Variants in USP26 observed in about 807,000 individuals in gnomAD.
The protein encoded by USP26 is ubiquitin specific peptidase 26.
For synonymous variants in USP26, 236 were observed against 240.6 expected, an observed-to-expected ratio of 0.98 and a Z score of 0.18; for missense variants, 649 against 642.3, an observed-to-expected ratio of 1.01 and a Z score of -0.11.
At chrX:133,069,574 A>T (rs757237759) in intron 5 of USP26, among the ~76,000 whole-genome samples, 6 of 111,406 alleles carry the variant, frequency 5.4e-5, no homozygotes, top group African/African-American at 2.0e-4. Context: ...AGAAATATAA[A>T]TATTACAGAG....
In USP26 at chrX:133,026,334, A is replaced by G. The variant is rs762701384; in HGVS notation, c.1887T>C (p.Leu629=). The G allele has an allele frequency of 4.1e-6, 5 of 1,205,692 alleles. No individual in the cohort carries two copies. In the Middle Eastern group the frequency reaches 6.9e-4, roughly 166 times the overall value. Residue 629 remains leucine, a synonymous_variant, in exon 6 of 6, where the codon CTT becomes CTC. Coordinates refer to ENST00000511190, the MANE Select transcript of USP26 (RefSeq NM_031907.3). ...GCTCATTTGGTTTAGAATTTTTTCCAAGGTACTTTTGCTGCTGTCTTCTGC... is the reference window on the plus strand; with the variant it reads ...GCTCATTTGGTTTAGAATTTTTTCCGAGGTACTTTTGCTGCTGTCTTCTGC... The part of the protein sequence containing the change: ...GASRRQQQKY[L]GKNSKPNELE...
At chrX:133,043,906 CA>C (rs1191136380) in intron 5 of USP26, among the ~76,000 whole-genome samples, 5 of 110,955 alleles carry the variant, frequency 4.5e-5, no homozygotes, top group Non-Finnish European at 7.6e-5. Context: ...CAAAACAAAA[CA>C]AAAAACTTCC....
At chrX:133,061,099 T>C (rs2067492820) in intron 5 of USP26, among the ~76,000 whole-genome samples, 1 of 111,641 alleles carries the variant, frequency 9.0e-6, no homozygotes, top group African/African-American at 3.3e-5. Context: ...CAAAGAACAA[T>C]TGTATTTATG....
At chrX:133,062,523 C>T (rs1049316709) in intron 5 of USP26, among the ~76,000 whole-genome samples, 11 of 111,934 alleles carry the variant, frequency 9.8e-5, no homozygotes, top group Non-Finnish European at 1.7e-4. Flanking sequence ...TGGCTGGCAA[C>T]AGGCCGGCAC....
intron 5 of USP26, among the ~76,000 whole-genome samples, chrX:133,039,051 T>C (rs1356946662): frequency 8.9e-6 from 1 of 111,946 alleles, no homozygotes; most frequent in Non-Finnish European, 1.9e-5. Flanking sequence ...TTATTCTCTC[T>C]TTTCTTCTTT....
In USP26 at chrX:133,078,756, C is replaced by T. The variant is rs1467282584; in HGVS notation, c.-77+4951G>A. 2.7e-5 allele frequency among the ~76,000 whole-genome samples: 3 copies of T among 112,124 alleles called. No individual in the cohort carries two copies. The Admixed American group carries it at 2.9e-4, about 11-fold the overall frequency. ...GCTCACTGTCTGCATGGACAAGATT[C>T]TACTCTTTGGTTGTCTTCAGTAATA... is the stretch of plus-strand genomic sequence containing the variant. On this transcript the variant is annotated intron_variant, in intron 5 of 5. Coordinates refer to ENST00000511190, the MANE Select transcript of USP26 (RefSeq NM_031907.3).
chrX:133,086,471 A>G (rs2067589125), intron 4 of USP26, among the ~76,000 whole-genome samples: 2 of 110,858 alleles, frequency 1.8e-5, no homozygotes, highest in African/African-American at 3.3e-5. Flanking sequence ...TTAGCCAGGC[A>G]TGGTGGCACA....
intron 4 of USP26, among the ~76,000 whole-genome samples, chrX:133,084,775 G>A (rs371096551): frequency 1.2e-4 from 13 of 111,040 alleles, no homozygotes; most frequent in South Asian, 7.7e-4. Context: ...ATTGGGGAAC[G>A]GGTGGTGTTT....
At chrX:133,045,480 T>A (rs766515441) in intron 5 of USP26, among the ~76,000 whole-genome samples, 8 of 112,068 alleles carry the variant, frequency 7.1e-5, no homozygotes, top group Non-Finnish European at 1.1e-4. Context: ...CTTTGTTCTT[T>A]CACTCTTTGC....
chrX:133,052,872 G>A lies in USP26; in HGVS notation c.-76-24576C>T, dbSNP rs191188553. 3.6e-5 allele frequency among the ~76,000 whole-genome samples: 4 copies of A among 111,602 alleles called. No individual in the cohort carries two copies. The South Asian group carries it at 1.2e-3, about 33-fold the overall frequency. ...TCTCCTTATAATGTAGATGGGGAGG[G>A]GGGTGAGAGGACTGGTAGCTGTCTC... On this transcript the variant is annotated intron_variant, in intron 5 of 5. Transcript: ENST00000511190.
In USP26 at chrX:133,027,682, CTCT is replaced by C. The variant is rs772195637; in HGVS notation, c.536_538del (p.Lys179del). On this transcript the variant is annotated inframe_deletion, in exon 6 of 6. Coordinates refer to ENST00000511190, the MANE Select transcript of USP26 (RefSeq NM_031907.3). ...TGAGCTAGATGAGAGCATTCTTTTC[CTCT>C]TCTTGTGCTGATTTTCTGATAACTC... The C allele has an allele frequency of 8.3e-7, 1 of 1,206,942 alleles. No individual in the cohort carries two copies. The highest frequency in any genetic ancestry group is 2.2e-5 in the Admixed American group (1 of 45,555).
chrX:133,032,396 T>C (rs1389657308), intron 5 of USP26, among the ~76,000 whole-genome samples: 13 of 110,902 alleles, frequency 1.2e-4, no homozygotes, highest in Non-Finnish European at 1.9e-4. Context: ...GGTCCTCAGG[T>C]GGGAATGGAC....
chrX:133,059,857 C>T (rs964251819), intron 5 of USP26, among the ~76,000 whole-genome samples: 5 of 111,835 alleles, frequency 4.5e-5, no homozygotes, highest in African/African-American at 1.6e-4. Context: ...CAGATTGTTA[C>T]AAAGGAATGA....
At chrX:133,059,923 C>T (rs2067489446) in intron 5 of USP26, among the ~76,000 whole-genome samples, 1 of 111,937 alleles carries the variant, frequency 8.9e-6, no homozygotes, top group Admixed American at 9.5e-5. Context: ...TATAAGAGTG[C>T]TAATAATTGC....
At chrX:133,051,539 A>G (rs1277258310) in intron 5 of USP26, among the ~76,000 whole-genome samples, 1 of 112,233 alleles carries the variant, frequency 8.9e-6, no homozygotes, top group Non-Finnish European at 1.9e-5. Flanking sequence ...ATGGAATACC[A>G]TGAGGTTTAA....
chrX:133,063,135 G>A (rs1350429320), intron 5 of USP26, among the ~76,000 whole-genome samples: 1 of 110,961 alleles, frequency 9.0e-6, no homozygotes, highest in African/African-American at 3.3e-5. Context: ...ATCAGAGATT[G>A]ATGATCGACT....
At chrX:133,079,177 G>A (rs1244032993) in intron 5 of USP26, among the ~76,000 whole-genome samples, 1 of 111,716 alleles carries the variant, frequency 9.0e-6, no homozygotes, top group Non-Finnish European at 1.9e-5. Context: ...TATCCAGACT[G>A]TGCATGCCCC....
intron 5 of USP26, among the ~76,000 whole-genome samples, chrX:133,062,341 C>T (rs1254770217): frequency 8.9e-6 from 1 of 112,108 alleles, no homozygotes; most frequent in East Asian, 2.8e-4. Flanking sequence ...ACATCTCTGC[C>T]TGCCAGCTCT....
chrX:133,059,170 A>T lies in USP26; in HGVS notation c.-77+24537T>A, dbSNP rs2067486768. Reference sequence around the variant, plus strand: ...TGGTTTTAACTGAGCATTTCATACGATCTCCTTTCATCCCCTCTCCTAGCA... The same window carrying T: ...TGGTTTTAACTGAGCATTTCATACGTTCTCCTTTCATCCCCTCTCCTAGCA... On this transcript the variant is annotated intron_variant, in intron 5 of 5. Transcript: ENST00000511190. Among the ~76,000 whole-genome samples the T allele has an allele frequency of 3.6e-5, 4 of 110,011 alleles. No homozygotes were observed. In the South Asian group the frequency reaches 1.6e-3, roughly 44 times the overall value.
Sources: allele counts gnomAD v4.1 joint callset (sites outside exome capture counted in the v4.1 genomes callset), GRCh38; gene constraint gnomAD v4.1.1; transcripts MANE v1.5; gene names NCBI Gene and HGNC (gene_info 2026-07-23, HGNC 2026-07-21).